PAX9: variants seen among roughly 807,000 people sequenced by gnomAD.
PAX9 encodes paired box 9, also known as paired box protein Pax-9.
A neutral mutation model predicts 29.1 loss-of-function variants in PAX9; 6 were observed. That is an observed-to-expected ratio of 0.21 (90% CI 0.11 to 0.41). The LOEUF is 0.41. PAX9 is among the 10% of genes least tolerant of loss of function. PAX9 has a pLI of 1.00. For missense variants in PAX9, 443 were observed against 479.1 expected (o/e 0.92, Z 0.70); for synonymous variants, 217 against 211.7 (o/e 1.03, Z -0.22).
At chr14:36,661,172 G>T (rs1451056490), upstream of PAX9, among the ~76,000 whole-genome samples, 1 of 152,246 alleles carries the variant, frequency 6.6e-6, no homozygotes, top group Non-Finnish European at 1.5e-5. Flanking sequence ...TCAGTTCCCC[G>T]CACACGGCGT....
At chr14:36,670,001 A>G (rs116143541) in intron 3 of PAX9, among the ~76,000 whole-genome samples, 2,172 of 152,134 alleles carry the variant, frequency 0.014, 56 homozygotes, top group African/African-American at 0.05. Flanking sequence ...TAAAACTCCA[A>G]TGGAATAAAA....
chr14:36,676,122 T>C, intron 3 of PAX9, 76 bp from the exon 4 acceptor site: 1 of 1,519,134 alleles, frequency 6.6e-7, no homozygotes, highest in African/African-American at 1.4e-5. Flanking sequence ...ACTTAAGTTC[T>C]GCTTCTTTCT....
intron 1 of PAX9, 50 bp downstream of exon 1, chr14:36,662,143 C>A (rs1281704880): frequency 9.7e-6 from 4 of 410,438 alleles, no homozygotes; most frequent in African/African-American, 2.5e-5. Flanking sequence ...AGGGAGGGAG[C>A]GAGCGGGCAA....
At chr14:36,675,852 A>G (rs1004071196) in intron 3 of PAX9, among the ~76,000 whole-genome samples, 5 of 152,182 alleles carry the variant, frequency 3.3e-5, no homozygotes, top group Admixed American at 6.5e-5. Flanking sequence ...GGCAATGAGG[A>G]CAGCCGAACA....
In PAX9 at chr14:36,663,498, G is replaced by A. The variant is rs753599757; in HGVS notation, c.606G>A (p.Leu202=). ...WPSSHSVTDI[L]GIRSITDQVS... Reference sequence around the variant, plus strand: ...CCTCGCACTCCGTCACCGACATCCTGGGCATCCGCTCCATCACCGACCAAG... The same window carrying A: ...CCTCGCACTCCGTCACCGACATCCTAGGCATCCGCTCCATCACCGACCAAG... Residue 202 remains leucine, a synonymous_variant, in exon 2 of 4, where the codon CTG becomes CTA. Coordinates refer to ENST00000361487, the MANE Select transcript of PAX9 (RefSeq NM_001372076.1). 87 of 1,612,780 alleles carry A rather than the reference G, an allele frequency of 5.4e-5. No homozygotes were observed. The highest frequency in any genetic ancestry group is 3.0e-5 in the Non-Finnish European group (35 of 1,179,900).
At chr14:36,668,721 C>G (rs1156340203) in intron 3 of PAX9, among the ~76,000 whole-genome samples, 1 of 152,058 alleles carries the variant, frequency 6.6e-6, no homozygotes, top group African/African-American at 2.4e-5. Context: ...AATTATAGAT[C>G]TAACATTGAA....
chr14:36,673,422 C>T (rs17104933), intron 3 of PAX9, among the ~76,000 whole-genome samples: 6,087 of 152,068 alleles, frequency 0.04, 227 homozygotes, highest in African/African-American at 0.098. Context: ...ATAAATAAGG[C>T]ACTAGAAGTT....
chr14:36,678,815 G>A lies in PAX9; in HGVS notation c.*2363G>A, dbSNP rs1457843291. On this transcript the variant is annotated 3_prime_UTR_variant, in exon 4 of 4. Transcript: ENST00000361487. ...TTGAAGTTTCCTTTTCTCCCTCTAG[G>A]TCTTAACAGTGAATTCACATGGAGT... is the stretch of plus-strand genomic sequence containing the variant. The A allele has an allele frequency of 1.0e-6, 1 of 997,994 alleles. No homozygotes were observed. Among genetic ancestry groups the A allele is most frequent in the Non-Finnish European group, 1.2e-6 (1 of 829,478 alleles). 61.8% of individuals were successfully genotyped at this position (997,994 alleles called of 1,614,324 possible).
At chr14:36,657,985 CT>C (rs142685585), upstream of PAX9, 3,162 of 152,424 alleles carry the variant, frequency 0.021, 119 homozygotes, top group African/African-American at 0.072. Context: ...GCGACTGCTC[CT>C]TTTAGCCGCC....
chr14:36,667,216 G>A (rs533150243), intron 3 of PAX9, among the ~76,000 whole-genome samples: 1 of 152,244 alleles, frequency 6.6e-6, no homozygotes, highest in South Asian at 2.1e-4. Context: ...ATCTCCCAAG[G>A]AAGTTAGTGA....
Position 36,679,358 on chromosome 14 carries a change from A to C in PAX9, c.*2906A>C. 1.0e-6 allele frequency: 1 copy of C among 975,090 alleles called. No homozygotes were observed. The highest frequency in any genetic ancestry group is 1.2e-6 in the Non-Finnish European group (1 of 820,634). The allele number at this position is 975,090 out of a possible 1,614,324, so 60.4% of individuals were successfully genotyped here. ...ATGCTCTAAATTAATAAAAAGTAAT[A>C]ATTACCATGTTATCTTTTACTTTTT... On this transcript the variant is annotated 3_prime_UTR_variant, in exon 4 of 4. Transcript: ENST00000361487.
upstream of PAX9, among the ~76,000 whole-genome samples, chr14:36,659,344 C>G (rs755091301): frequency 5.3e-5 from 8 of 152,182 alleles, no homozygotes; most frequent in Non-Finnish European, 1.2e-4. Flanking sequence ...TCAGATCCGT[C>G]GTCTCTCGGT....
At chr14:36,663,659 C>A in intron 2 of PAX9, 136 bp downstream of exon 2, 1 of 1,116,982 alleles carries the variant, frequency 9.0e-7, no homozygotes, top group Non-Finnish European at 1.3e-6. Context: ...CGTAAGGAGT[C>A]TTCCTAGGGG....
At position 36,676,561 on chromosome 14, in the gene PAX9, C is replaced by T; in HGVS notation, c.*109C>T. ...CCCTCCTGCCCTCCAACCCTTCTGC[C>T]TTGAAAGCTGGCTGTACGGACTCAC... On this transcript the variant is annotated 3_prime_UTR_variant, in exon 4 of 4. Coordinates refer to ENST00000361487, the MANE Select transcript of PAX9 (RefSeq NM_001372076.1). 7.7e-7 allele frequency: 1 copy of T among 1,296,478 alleles called. No individual in the cohort carries two copies. The highest frequency in any genetic ancestry group is 1.5e-5 in the African/African-American group (1 of 68,804). The allele number at this position is 1,296,478 out of a possible 1,614,324, so 80.3% of individuals were successfully genotyped here.
chr14:36,666,119 T>C, intron 2 of PAX9: 1 of 293,362 alleles, frequency 3.4e-6, no homozygotes, highest in Non-Finnish European at 6.5e-6. Context: ...CGTGCAGCCT[T>C]AAGGGTTCCT....
intron 3 of PAX9, among the ~76,000 whole-genome samples, chr14:36,667,783 T>G (rs528968491): frequency 5.3e-5 from 8 of 152,330 alleles, no homozygotes; most frequent in Non-Finnish European, 2.9e-5. Flanking sequence ...GCCCTTTTCC[T>G]TAGTCTGTTT....
chr14:36,668,736 G>C (rs570095195), intron 3 of PAX9, among the ~76,000 whole-genome samples: 1 of 149,858 alleles, frequency 6.7e-6, no homozygotes, highest in Non-Finnish European at 1.5e-5. Flanking sequence ...ATTGAAATTT[G>C]TTTGGAAATG....
chr14:36,659,891 C>T (rs1046623531), upstream of PAX9, among the ~76,000 whole-genome samples: 3 of 152,168 alleles, frequency 2.0e-5, no homozygotes, highest in East Asian at 5.8e-4. Flanking sequence ...CTAAAGCTCT[C>T]GCAGAGTCCC....
intron 2 of PAX9, among the ~76,000 whole-genome samples, chr14:36,665,148 G>A (rs2139110855): frequency 7.0e-6 from 1 of 142,580 alleles, no homozygotes; most frequent in South Asian, 2.5e-4. Context: ...CTTGGGGGTG[G>A]TAGAGGAGGA....
Sources: gnomAD v4.1 joint callset for allele counts (sites outside exome capture counted in the v4.1 genomes callset) on GRCh38, gnomAD v4.1.1 for gene constraint, MANE v1.5 for transcripts, NCBI Gene and HGNC (gene_info 2026-07-23, HGNC 2026-07-21) for gene names.